TAF1B: variants seen among roughly 807,000 people sequenced by gnomAD.
TAF1B encodes the protein TATA-box binding protein associated factor, RNA polymerase I subunit B, also known as TATA box-binding protein-associated factor RNA polymerase I subunit B.
TAF1B carries 61 observed loss-of-function variants against 83.9 expected under a neutral mutation model. The ratio of observed to expected loss-of-function variants is 0.73; its 90% CI spans 0.59 to 0.90. TAF1B has a LOEUF of 0.90. TAF1B is among the 40% of genes least tolerant of loss of function. TAF1B has a pLI of 0.00. For missense variants in TAF1B, 625 were observed against 677.0 expected, an observed-to-expected ratio of 0.92 and a Z score of 0.85; for synonymous variants, 221 against 224.6, an observed-to-expected ratio of 0.98 and a Z score of 0.14.
Position 9,868,438 on chromosome 2 carries a change from G to A in TAF1B, c.553+9G>A. 2.5e-6 allele frequency: 4 copies of A among 1,606,808 alleles called. No homozygotes were observed. The South Asian group carries it at 4.4e-5, about 18-fold the overall frequency. ...CAAAGCATCACAATCAGGTAAAAATGAGAACCAAACCATTTCGAATTTTAA... is the reference window on the plus strand; with the variant it reads ...CAAAGCATCACAATCAGGTAAAAATAAGAACCAAACCATTTCGAATTTTAA... On this transcript the variant is annotated intron_variant, in intron 6 of 14. Transcript: ENST00000263663.
At chr2:9,915,905 C>G (rs976749959) in intron 12 of TAF1B, among the ~76,000 whole-genome samples, 3 of 120,576 alleles carry the variant, frequency 2.5e-5, no homozygotes, top group Admixed American at 1.7e-4. Context: ...TTTAGCAGTA[C>G]AGACTTCTTA....
intron 8 of TAF1B, among the ~76,000 whole-genome samples, chr2:9,895,412 G>A (rs543955443): frequency 6.6e-6 from 1 of 152,110 alleles, no homozygotes; most frequent in East Asian, 1.9e-4. Context: ...GAGGTGGGAG[G>A]ATCACCTGAG....
At chr2:9,854,164 C>T (rs72782619) in intron 4 of TAF1B, among the ~76,000 whole-genome samples, 162 bp from the exon 5 acceptor site, 12,510 of 152,060 alleles carry the variant, frequency 0.082, 563 homozygotes, top group Middle Eastern at 0.16. Context: ...ACATACAGAC[C>T]CCAGAGATTT....
At chr2:9,861,490 T>G (rs1663757419) in intron 5 of TAF1B, among the ~76,000 whole-genome samples, 1 of 152,248 alleles carries the variant, frequency 6.6e-6, no homozygotes, top group African/African-American at 2.4e-5. Context: ...CAAGGAGGCC[T>G]GCCTGCCTCT....
Position 9,922,550 on chromosome 2 carries a change from A to G in TAF1B, c.1565+2730A>G, listed in dbSNP as rs541486575. ...AGCCATCCTGCCTAAAATAGCACCAATCATTCCCCCAACACCCCTCATTAT... is the reference window on the plus strand; with the variant it reads ...AGCCATCCTGCCTAAAATAGCACCAGTCATTCCCCCAACACCCCTCATTAT... On this transcript the variant is annotated intron_variant, in intron 14 of 14. Coordinates refer to ENST00000263663, the MANE Select transcript of TAF1B (RefSeq NM_005680.3). 2.7e-3 allele frequency among the ~76,000 whole-genome samples: 407 copies of G among 152,204 alleles called. 1 individual carries two copies. Among genetic ancestry groups the G allele is most frequent in the South Asian group, 6.8e-3 (33 of 4,818 alleles).
At chr2:9,933,216 T>C (rs1666271124) in intron 14 of TAF1B, among the ~76,000 whole-genome samples, 1 of 152,182 alleles carries the variant, frequency 6.6e-6, no homozygotes, top group Non-Finnish European at 1.5e-5. Context: ...CAGCTGGAAA[T>C]GCAGAAATCA....
intron 8 of TAF1B, among the ~76,000 whole-genome samples, chr2:9,884,220 G>A (rs902138958): frequency 1.2e-4 from 19 of 152,196 alleles, no homozygotes; most frequent in East Asian, 1.2e-3. Flanking sequence ...TGGGGAACAC[G>A]GTGGTACCTG....
chr2:9,899,405 A>C (rs920940345), intron 8 of TAF1B, among the ~76,000 whole-genome samples: 3 of 152,186 alleles, frequency 2.0e-5, no homozygotes, highest in Non-Finnish European at 2.9e-5. Context: ...CAAAATCTAT[A>C]TATACTACTT....
rs70948857 is a variant in TAF1B, at chr2:9,929,142, T to TTTG, written c.1566-4611_1566-4609dup. On this transcript the variant is annotated intron_variant, in intron 14 of 14. Transcript: ENST00000263663. ...TCAGGTGGTTTTGTCATTGGTTCTG[T>TTTG]TTGTTGTTGTTGTTGTTGTTGTTGT... Among the ~76,000 whole-genome samples the TTTG allele has an allele frequency of 9.4e-3, 1,417 of 151,016 alleles. 15 individuals are homozygous for TTTG. The highest frequency in any genetic ancestry group is 0.023 in the African/African-American group (929 of 40,946).
At chr2:9,919,345 C>T (rs1040668190) in intron 13 of TAF1B, among the ~76,000 whole-genome samples, 2 of 152,172 alleles carry the variant, frequency 1.3e-5, no homozygotes. Flanking sequence ...ATCTAAAATC[C>T]TAAATCGTTA....
chr2:9,845,192 A>T (rs1301018887), intron 1 of TAF1B, 28 bp from the exon 2 acceptor site: 1 of 1,576,772 alleles, frequency 6.3e-7, no homozygotes, highest in East Asian at 2.2e-5. Flanking sequence ...CTTGATGGGA[A>T]CACCTTTTCT....
intron 8 of TAF1B, among the ~76,000 whole-genome samples, chr2:9,888,791 T>G (rs1620983): frequency 0.15 from 4,832 of 31,650 alleles, 289 homozygotes; most frequent in Non-Finnish European, 0.26. Context: ...TTCTGCTTGG[T>G]TTTTTTTTTT....
rs759805145 is a variant in TAF1B, at chr2:9,911,519, C to G, written c.1142C>G (p.Ser381Cys). 3.3e-6 allele frequency: 5 copies of G among 1,512,776 alleles called. No homozygotes were observed. The highest frequency in any genetic ancestry group is 4.4e-6 in the Non-Finnish European group (5 of 1,124,004). The allele number at this position is 1,512,776 out of a possible 1,614,324, so 93.7% of individuals were successfully genotyped here. A position where few individuals can be genotyped will look rare whatever the true frequency, so the allele number is the denominator to read the frequency against. Residue 381 changes from serine (S) to cysteine (C), a missense_variant, in exon 11 of 15, where the codon TCT becomes TGT. By Grantham distance (112) the Ser-to-Cys change is moderately radical. Transcript: ENST00000263663. Reference sequence around the variant, plus strand: ...TTTATTGTTATCTCCAGGTCTTTGTCTAATCTTGCTGAAAAGCATAATGAA... The same window carrying G: ...TTTATTGTTATCTCCAGGTCTTTGTGTAATCTTGCTGAAAAGCATAATGAA... ...LLDDSFEWSL[S>C]NLAEKHNEKN...
At chr2:9,869,871 C>CA (rs928707870) in intron 6 of TAF1B, among the ~76,000 whole-genome samples, 16 of 142,740 alleles carry the variant, frequency 1.1e-4, no homozygotes, top group African/African-American at 1.3e-4. Context: ...GACTCCATCT[C>CA]AAAAAAAAAA....
intron 14 of TAF1B, among the ~76,000 whole-genome samples, chr2:9,923,297 T>G (rs969733304): frequency 3.3e-5 from 5 of 151,112 alleles, no homozygotes; most frequent in Non-Finnish European, 7.4e-5. Flanking sequence ...AATTGAACTG[T>G]AGAAAATACA....
At position 9,919,716 on chromosome 2, in the gene TAF1B, G is replaced by T; in HGVS notation, c.1461G>T (p.Thr487=). 2 of 1,614,154 alleles carry T rather than the reference G, an allele frequency of 1.2e-6. No individual in the cohort carries two copies. The highest frequency in any genetic ancestry group is 1.7e-6 in the Non-Finnish European group (2 of 1,180,030). Residue 487 remains threonine (T), a synonymous_variant, in exon 14 of 15, where the codon ACG becomes ACT. Transcript: ENST00000263663. Reference sequence around the variant, plus strand: ...GGACTGAAGAGGACACTGATAGAACGTGTTTCCATGGACACAGCCTTCAGG... The same window carrying T: ...GGACTGAAGAGGACACTGATAGAACTTGTTTCCATGGACACAGCCTTCAGG... ...FNWTEEDTDR[T]CFHGHSLQGV...
At chr2:9,880,731 AAC>A (rs1358677979) in intron 7 of TAF1B, among the ~76,000 whole-genome samples, 3 of 152,036 alleles carry the variant, frequency 2.0e-5, no homozygotes, top group African/African-American at 7.2e-5. Context: ...GCAGACTCCT[AAC>A]ACTCCACATA....
chr2:9,870,485 T>C (rs1664133956), intron 6 of TAF1B, among the ~76,000 whole-genome samples: 1 of 152,130 alleles, frequency 6.6e-6, no homozygotes, highest in African/African-American at 2.4e-5. Context: ...AAACCTTGTC[T>C]TAAAAAAAAA....
At chr2:9,868,179 C>T in intron 5 of TAF1B, 97 bp from the exon 6 acceptor site, 1 of 1,176,946 alleles carries the variant, frequency 8.5e-7, no homozygotes, top group South Asian at 1.4e-5. Context: ...AGAGTGGTTT[C>T]TTTTAGGGTG....
Sources: gnomAD v4.1 joint callset for allele counts (sites outside exome capture counted in the v4.1 genomes callset) on GRCh38, gnomAD v4.1.1 for gene constraint, MANE v1.5 for transcripts, NCBI Gene and HGNC (gene_info 2026-07-23, HGNC 2026-07-21) for gene names.